Variants in PPP2R2C observed in about 807,000 individuals in gnomAD.
The protein encoded by PPP2R2C is protein phosphatase 2, regulatory subunit B, gamma.
A neutral mutation model predicts 45.3 loss-of-function variants in PPP2R2C; 10 were observed. That is an observed-to-expected ratio of 0.22 (90% CI 0.14 to 0.37). The LOEUF is 0.37. Ranked by LOEUF, PPP2R2C falls within the 10% of genes least tolerant of loss-of-function variation. The pLI, the probability that PPP2R2C is intolerant of heterozygous loss-of-function variation, is 1.00. For synonymous variants in PPP2R2C, 257 were observed against 245.4 expected (o/e 1.05, Z -0.44); for missense variants, 308 against 619.7 (o/e 0.50, Z 5.34).
chr4:6,338,920 G>T (rs1229705794), intron 6 of PPP2R2C, among the ~76,000 whole-genome samples: 1 of 152,254 alleles, frequency 6.6e-6, no homozygotes, highest in Non-Finnish European at 1.5e-5. Context: ...ATCTGGAGAA[G>T]GAGCACGATG....
At chr4:6,422,627 C>A (rs1253106208) in intron 1 of PPP2R2C, among the ~76,000 whole-genome samples, 1 of 152,170 alleles carries the variant, frequency 6.6e-6, no homozygotes, top group East Asian at 1.9e-4. Context: ...AGATGGCTGT[C>A]TTCTCCCTGT....
upstream of PPP2R2C, among the ~76,000 whole-genome samples, chr4:6,475,781 G>A (rs1198769580): frequency 2.6e-5 from 4 of 152,266 alleles, no homozygotes; most frequent in African/African-American, 4.8e-5. Context: ...TTGACAGAGA[G>A]AACATGCATG....
intron 1 of PPP2R2C, among the ~76,000 whole-genome samples, chr4:6,456,625 G>A (rs1199597679): frequency 2.6e-5 from 4 of 152,174 alleles, no homozygotes; most frequent in African/African-American, 9.7e-5. Context: ...GATTGCTCCC[G>A]AAGCAGACAG....
chr4:6,361,872 T>C (rs1226344737), intron 5 of PPP2R2C, among the ~76,000 whole-genome samples: 2 of 152,200 alleles, frequency 1.3e-5, no homozygotes, highest in African/African-American at 2.4e-5. Flanking sequence ...TTTAGCTCCA[T>C]GATCGATCGA....
At chr4:6,488,546 T>G (rs1722599627) in intron 2 of PPP2R2C, among the ~76,000 whole-genome samples, 1 of 152,080 alleles carries the variant, frequency 6.6e-6, no homozygotes. Context: ...TGGCCAGGCA[T>G]GGTGGCATGT....
At chr4:6,425,813 CTGTG>C (rs147253945) in intron 1 of PPP2R2C, among the ~76,000 whole-genome samples, 2,173 of 148,532 alleles carry the variant, frequency 0.015, 26 homozygotes, top group Admixed American at 0.023. Context: ...CGATGCTTGG[CTGTG>C]TGTGTGTGTG....
At chr4:6,418,387 AG>A (rs1459132634) in intron 1 of PPP2R2C, among the ~76,000 whole-genome samples, 1 of 152,198 alleles carries the variant, frequency 6.6e-6, no homozygotes, top group African/African-American at 2.4e-5. Flanking sequence ...ACACTCATCA[AG>A]GGCCACACAG....
intron 5 of PPP2R2C, chr4:6,349,696 G>T: frequency 1.3e-6 from 1 of 768,328 alleles, no homozygotes; most frequent in Non-Finnish European, 1.6e-6. Flanking sequence ...AAAGAAATTA[G>T]TTGGAGACAA....
At chr4:6,494,255 C>G (rs1478728948) in intron 2 of PPP2R2C, among the ~76,000 whole-genome samples, 1 of 152,210 alleles carries the variant, frequency 6.6e-6, no homozygotes, top group Non-Finnish European at 1.5e-5. Context: ...CGCAGGAGAT[C>G]CTGGTTCCTT....
chr4:6,335,288 G>A (rs1732756926), intron 6 of PPP2R2C, among the ~76,000 whole-genome samples: 1 of 152,198 alleles, frequency 6.6e-6, no homozygotes, highest in African/African-American at 2.4e-5. Flanking sequence ...ATAGGTGCTG[G>A]GGGCTGGTAG....
At position 6,327,808 on chromosome 4, in the gene PPP2R2C, G is replaced by C. The variant is rs1732079911; in HGVS notation, c.1052+1454C>G. Reference sequence around the variant, plus strand: ...CCTGTGATCACCATGCCAGCCCCTTGCCTGAGCTCGGGCTCTGCTGAGAGA... The same window carrying C: ...CCTGTGATCACCATGCCAGCCCCTTCCCTGAGCTCGGGCTCTGCTGAGAGA... On this transcript the variant is annotated intron_variant, in intron 8 of 8. Coordinates refer to ENST00000382599, the MANE Select transcript of PPP2R2C (RefSeq NM_020416.4). 1.3e-5 allele frequency among the ~76,000 whole-genome samples: 2 copies of C among 152,182 alleles called. 1 individual carries two copies. Among genetic ancestry groups the C allele is most frequent in the South Asian group, 4.1e-4 (2 of 4,832 alleles).
chr4:6,409,928 A>C (rs1718050361), intron 1 of PPP2R2C, among the ~76,000 whole-genome samples: 1 of 151,868 alleles, frequency 6.6e-6, no homozygotes, highest in African/African-American at 2.4e-5. Flanking sequence ...TTCCATTTTC[A>C]CCTCCAACTG....
chr4:6,355,545 A>G (rs1713090584), intron 5 of PPP2R2C, among the ~76,000 whole-genome samples: 1 of 150,046 alleles, frequency 6.7e-6, no homozygotes, highest in Non-Finnish European at 1.5e-5. Context: ...AAAGCCACAG[A>G]AAGCACAAAA....
intron 1 of PPP2R2C, among the ~76,000 whole-genome samples, chr4:6,388,698 C>T (rs773787551): frequency 2.0e-5 from 3 of 152,052 alleles, no homozygotes; most frequent in Admixed American, 6.6e-5. Context: ...TGGAAATGCC[C>T]GGAAATGCCA....
intron 1 of PPP2R2C, among the ~76,000 whole-genome samples, chr4:6,390,823 C>T (rs1577139315): frequency 6.6e-6 from 1 of 152,146 alleles, no homozygotes; most frequent in Non-Finnish European, 1.5e-5. Flanking sequence ...AGGCACCGCC[C>T]GGCAGTGATG....
At chr4:6,440,224 C>T (rs1225804256) in intron 1 of PPP2R2C, among the ~76,000 whole-genome samples, 1 of 152,248 alleles carries the variant, frequency 6.6e-6, no homozygotes, top group African/African-American at 2.4e-5. Context: ...AACTGAGATA[C>T]ATACATGTTG....
chr4:6,371,719 G>C (rs1229795045), intron 5 of PPP2R2C, among the ~76,000 whole-genome samples: 4 of 152,214 alleles, frequency 2.6e-5, no homozygotes, highest in Admixed American at 2.6e-4. Context: ...AGGAGACTTA[G>C]AATAGTACCT....
intron 6 of PPP2R2C, among the ~76,000 whole-genome samples, chr4:6,340,221 T>C (rs901894179): frequency 3.9e-5 from 6 of 152,028 alleles, no homozygotes; most frequent in African/African-American, 1.2e-4. Flanking sequence ...CCTTAACCCA[T>C]CTTTGCACAC....
intron 1 of PPP2R2C, among the ~76,000 whole-genome samples, chr4:6,419,361 G>T (rs2109389027): frequency 6.6e-6 from 1 of 152,200 alleles, no homozygotes; most frequent in Admixed American, 6.5e-5. Flanking sequence ...GGGAGGCAGT[G>T]GTTGCAGTGA....
Sources: allele counts gnomAD v4.1 joint callset (sites outside exome capture counted in the v4.1 genomes callset), GRCh38; gene constraint gnomAD v4.1.1; transcripts MANE v1.5; gene names NCBI Gene and HGNC (gene_info 2026-07-23, HGNC 2026-07-21).